ADGRF1: variants seen among roughly 807,000 people sequenced by gnomAD.
The protein encoded by ADGRF1 is G protein-coupled receptor 110.
In ADGRF1, 85 loss-of-function variants were observed where a neutral mutation model predicts 87.2. The ratio of observed to expected loss-of-function variants is 0.97; its 90% confidence interval spans 0.82 to 1.17. The LOEUF (loss-of-function observed/expected upper bound fraction) is 1.17. ADGRF1 is among the 50% of genes most tolerant of loss of function. ADGRF1 has a pLI of 0.00. For synonymous variants in ADGRF1, 430 were observed against 408.8 expected (o/e 1.05, Z -0.63); for missense variants, 1,169 against 1,077.2 (o/e 1.09, Z -1.19).
rs568949249 is a variant in ADGRF1 at position 47,038,740 on chromosome 6, C to T, written c.-44+3451G>A. 9.9e-5 allele frequency among the ~76,000 whole-genome samples: 15 copies of T among 152,274 alleles called. No homozygotes were observed. The South Asian group carries it at 3.1e-3, about 32-fold the overall frequency. On this transcript the variant is annotated intron_variant, in intron 1 of 14. Transcript: ENST00000371253. ...GGCCCTTTTCCTATAAAATTCTGAC[C>T]TAAATATATTTTTAAAATTCTACTG... is the stretch of plus-strand genomic sequence containing the variant.
intron 13 of ADGRF1, among the ~76,000 whole-genome samples, chr6:47,003,858 C>T (rs1203018332): frequency 6.6e-6 from 1 of 152,182 alleles, no homozygotes; most frequent in Non-Finnish European, 1.5e-5. Context: ...GGCAAACAAA[C>T]TTCTAAATTG....
chr6:47,020,441 T>C, intron 7 of ADGRF1: 8 of 1,128,008 alleles, frequency 7.1e-6, no homozygotes, highest in Non-Finnish European at 8.8e-6. Context: ...GGTTGCAGGG[T>C]TGCAGTGAGC....
chr6:47,008,490 C>T (rs1228979729), intron 11 of ADGRF1, among the ~76,000 whole-genome samples: 1 of 152,208 alleles, frequency 6.6e-6, no homozygotes, highest in Admixed American at 6.5e-5. Context: ...CATAAATAAG[C>T]ATGGCTGTAT....
intron 5 of ADGRF1, among the ~76,000 whole-genome samples, chr6:47,022,364 T>A (rs1216609906): frequency 6.6e-6 from 1 of 152,238 alleles, no homozygotes; most frequent in African/African-American, 2.4e-5. Context: ...TATCTTCATC[T>A]GGGCAATAAG....
rs572424690 is a variant in ADGRF1 at position 47,011,941 on chromosome 6, G to C, written c.1116+66C>G. 125 of 1,433,580 alleles carry C rather than the reference G, an allele frequency of 8.7e-5. No homozygotes were observed. In the African/African-American group the frequency reaches 1.6e-3, roughly 19 times the overall value. The allele number at this position is 1,433,580 out of a possible 1,614,324, so 88.8% of individuals were successfully genotyped here. A position where few individuals can be genotyped will look rare whatever the true frequency, so the allele number is the denominator to read the frequency against. The stretch of plus-strand genomic sequence containing the variant: ...TTTCCAATAGTTCCCCATATTTAAG[G>C]CTTTGTCATTCCTCCTACAGGATCA... On this transcript the variant is annotated intron_variant, in intron 10 of 14. Transcript: ENST00000371253.
chr6:47,031,492 A>G (rs144046638), intron 1 of ADGRF1, among the ~76,000 whole-genome samples: 1 of 152,218 alleles, frequency 6.6e-6, no homozygotes, highest in African/African-American at 2.4e-5. Flanking sequence ...CTTCTCTCAT[A>G]GACTCCACCT....
rs1286361906 is a variant in ADGRF1 at position 47,014,552 on chromosome 6, T to C, written c.927+129A>G. 8.8e-6 allele frequency: 13 copies of C among 1,476,680 alleles called. No individual in the cohort carries two copies. The East Asian group carries it at 2.4e-4, about 27-fold the overall frequency. 91.5% of individuals were successfully genotyped at this position (1,476,680 alleles called of 1,614,324 possible). ...ACGGGTTCACCAGGGTCTGATGTCATCCTTGCTCTTTGCATACTGGCCAAT... is the reference window on the plus strand; with the variant it reads ...ACGGGTTCACCAGGGTCTGATGTCACCCTTGCTCTTTGCATACTGGCCAAT... On this transcript the variant is annotated intron_variant, in intron 9 of 14. Coordinates refer to ENST00000371253, the MANE Select transcript of ADGRF1 (RefSeq NM_153840.4).
chr6:47,012,972 C>T, intron 9 of ADGRF1: 2 of 695,922 alleles, frequency 2.9e-6, no homozygotes, highest in Non-Finnish European at 3.5e-6. Flanking sequence ...AGGGGTTTCA[C>T]CATGTTGGCC....
chr6:47,038,145 G>A (rs866102728), intron 1 of ADGRF1, among the ~76,000 whole-genome samples: 8 of 152,224 alleles, frequency 5.3e-5, no homozygotes, highest in South Asian at 2.1e-4. Flanking sequence ...ACAGGCGTGA[G>A]GCACCGTGTC....
intron 12 of ADGRF1, among the ~76,000 whole-genome samples, chr6:47,006,755 C>G (rs1031087000): frequency 3.3e-5 from 5 of 152,286 alleles, no homozygotes; most frequent in Non-Finnish European, 4.4e-5. Flanking sequence ...TTATCACCCA[C>G]TTATGAGTGA....
At chr6:47,012,699 G>C (rs944437948) in intron 9 of ADGRF1, 6 of 985,454 alleles carry the variant, frequency 6.1e-6, no homozygotes, top group African/African-American at 1.7e-5. Context: ...TTGTAAGATG[G>C]GAAGAGAGAG....
Position 47,025,892 on chromosome 6 carries a change from T to C in ADGRF1, c.239A>G (p.His80Arg). The change falls in exon 4 of 15, where the codon CAT becomes CGT. Residue 80 changes from histidine to arginine, a missense_variant. By Grantham distance (29) the His-to-Arg change is conservative. Coordinates refer to ENST00000371253, the MANE Select transcript of ADGRF1 (RefSeq NM_153840.4). ...TGCTCTGATAATTCTAATTAGCCCA[T>C]GTGACCATAATAATGGAGGCTTCAA... ...KLLKPPLLWS[H>R]GLIRIIRAKA... 6.2e-7 allele frequency: 1 copy of C among 1,611,200 alleles called. No individual in the cohort carries two copies.
chr6:47,018,794 G>A, intron 7 of ADGRF1: 1 of 283,724 alleles, frequency 3.5e-6, no homozygotes, highest in Non-Finnish European at 6.9e-6. Context: ...AATCATATAT[G>A]CAAAAAGTAA....
rs754056296 is a variant in ADGRF1, at chr6:47,010,119, C to G, written c.1316G>C (p.Ser439Thr). 1.2e-6 allele frequency: 2 copies of G among 1,613,990 alleles called. 1 individual carries two copies. The highest frequency in any genetic ancestry group is 3.3e-4 in the Middle Eastern group (2 of 6,082). Residue 439 changes from serine to threonine, a missense_variant, in exon 11 of 15, where the codon AGC becomes ACC. Transcript: ENST00000371253. ...ATAGCTGTAACCCCTTTTGAGTTGG[C>G]TTTTGTTCACTGGAATCCCTTTCCA... is the stretch of plus-strand genomic sequence containing the variant. ...IDWKGIPVNK[S>T]QLKRGYSYQI...
rs1339262052 is a variant in ADGRF1 at position 47,000,216 on chromosome 6, C to A, written c.*6G>T. 1 of 1,603,872 alleles carries A rather than the reference C, an allele frequency of 6.2e-7. No individual in the cohort carries two copies. The highest frequency in any genetic ancestry group is 1.3e-5 in the African/African-American group (1 of 74,644). ...AAATTTTTTCTTGATTTTATGATTC[C>A]TTGCCTTATTCATTTGAGACAAACT... On this transcript the variant is annotated 3_prime_UTR_variant, in exon 15 of 15. Transcript: ENST00000371253.
chr6:47,024,934 G>C (rs1287400959), intron 4 of ADGRF1, among the ~76,000 whole-genome samples: 2 of 152,190 alleles, frequency 1.3e-5, no homozygotes, highest in Admixed American at 6.5e-5. Flanking sequence ...TGTAACAGGA[G>C]AGTTGTTTAA....
At position 47,001,563 on chromosome 6, in the gene ADGRF1, T is replaced by C. The variant is rs1232701144; in HGVS notation, c.2597A>G (p.Asn866Ser). The change falls in exon 14 of 15, where the codon AAC becomes AGC. Residue 866 changes from asparagine to serine, a missense_variant. Coordinates refer to ENST00000371253, the MANE Select transcript of ADGRF1 (RefSeq NM_153840.4). ...GGGTTTGGCAGATAAATCTGATGAGTTTTGCTGCACAAAATAAAAATAAGT... is the reference window on the plus strand; with the variant it reads ...GGGTTTGGCAGATAAATCTGATGAGCTTTGCTGCACAAAATAAAAATAAGT... ...LSSWKQTEKQ[N>S]SSDLSAKPKF... 1 of 1,613,496 alleles carries C rather than the reference T, an allele frequency of 6.2e-7. No individual in the cohort carries two copies. Among genetic ancestry groups the C allele is most frequent in the Non-Finnish European group, 8.5e-7 (1 of 1,179,644 alleles).
chr6:47,029,236 C>T lies in ADGRF1; in HGVS notation c.-43-132G>A, dbSNP rs543976049. On this transcript the variant is annotated intron_variant, in intron 1 of 14. Coordinates refer to ENST00000371253, the MANE Select transcript of ADGRF1 (RefSeq NM_153840.4). ...CCTGGGTGTTTATGTTTCCACTCCA[C>T]GGAACCTGTGACATCATGACTTCTG... is the stretch of plus-strand genomic sequence containing the variant. 447 of 593,758 alleles carry T rather than the reference C, an allele frequency of 7.5e-4. 1 individual carries two copies. Among genetic ancestry groups the T allele is most frequent in the Middle Eastern group, 1.4e-3 (5 of 3,634 alleles). 36.8% of individuals were successfully genotyped at this position (593,758 alleles called of 1,614,324 possible). A position where few individuals can be genotyped will look rare whatever the true frequency, so the allele number is the denominator to read the frequency against.
rs1582196196 is a variant in ADGRF1, at chr6:47,037,083, A to C, written c.-44+5108T>G. On this transcript the variant is annotated intron_variant, in intron 1 of 14. Transcript: ENST00000371253. The stretch of plus-strand genomic sequence containing the variant: ...CTAGACATGGCCAAATTGACCTCCT[A>C]ACCTGTACCCATTTATACTCACTGG... Among the ~76,000 whole-genome samples, 3 of 152,166 alleles carry C rather than the reference A, an allele frequency of 2.0e-5. No homozygotes were observed. In the South Asian group the frequency reaches 6.2e-4, roughly 32 times the overall value.
Sources: gnomAD v4.1 joint callset for allele counts (sites outside exome capture counted in the v4.1 genomes callset) on GRCh38, gnomAD v4.1.1 for gene constraint, MANE v1.5 for transcripts, NCBI Gene and HGNC (gene_info 2026-07-23, HGNC 2026-07-21) for gene names.